POTEJ: variants seen among roughly 807,000 people sequenced by gnomAD.
The protein encoded by POTEJ is POTE ankyrin domain family, member J.
Under a neutral mutation model 69.0 loss-of-function variants are expected in POTEJ, and 11 were observed. That is an observed-to-expected ratio of 0.16 (90% CI 0.10 to 0.26). POTEJ has a LOEUF of 0.26. Among genes scored for constraint, POTEJ ranks in the 10% least tolerant of loss-of-function variants. The pLI, the probability that POTEJ is intolerant of heterozygous loss-of-function variation, is 1.00. For synonymous variants in POTEJ, 117 were observed against 381.1 expected, an observed-to-expected ratio of 0.31 and a Z score of 8.07; for missense variants, 327 against 1,045.5, an observed-to-expected ratio of 0.31 and a Z score of 9.48.
At chr2:130,637,347 C>A (rs1367397128) in intron 9 of POTEJ, among the ~76,000 whole-genome samples, 1 of 151,220 alleles carries the variant, frequency 6.6e-6, no homozygotes, top group Non-Finnish European at 1.5e-5. Flanking sequence ...GATGGAGTCT[C>A]GCTGTATCGC....
rs1277017031 is a variant in POTEJ at position 130,614,135 on chromosome 2, T to A, written c.410+2193T>A. 1.8e-5 allele frequency among the ~76,000 whole-genome samples: 2 copies of A among 112,966 alleles called. 1 individual carries two copies. Among genetic ancestry groups the A allele is most frequent in the Non-Finnish European group, 3.4e-5 (2 of 59,396 alleles). The allele number at this position is 112,966 out of a possible 152,430, so 74.1% of individuals were successfully genotyped here. On this transcript the variant is annotated intron_variant, in intron 1 of 14. Coordinates refer to ENST00000409602, the MANE Select transcript of POTEJ (RefSeq NM_001277083.2). ...TCGCGCCACTACATTCCAGCCTGAGTGATAGAGTGAGACTCCATCTCAAAA... is the reference window on the plus strand; with the variant it reads ...TCGCGCCACTACATTCCAGCCTGAGAGATAGAGTGAGACTCCATCTCAAAA...
rs1308767937 is a variant in POTEJ at position 130,630,920 on chromosome 2, A to G, written c.1087-489A>G. Among the ~76,000 whole-genome samples, 4 of 143,362 alleles carry G rather than the reference A, an allele frequency of 2.8e-5. 1 individual carries two copies. The highest frequency in any genetic ancestry group is 1.1e-4 in the African/African-American group (4 of 36,082). The allele number at this position is 143,362 out of a possible 152,430, so 94.1% of individuals were successfully genotyped here. A position where few individuals can be genotyped will look rare whatever the true frequency, so the allele number is the denominator to read the frequency against. On this transcript the variant is annotated intron_variant, in intron 7 of 14. Coordinates refer to ENST00000409602, the MANE Select transcript of POTEJ (RefSeq NM_001277083.2). ...TTGGTGTTGATTTCGGCTCCTAATA[A>G]TTTAAATGGTGCCTACAATCCAGTT...
At chr2:130,619,833 A>G (rs1461118882) in intron 3 of POTEJ, among the ~76,000 whole-genome samples, 2 of 150,126 alleles carry the variant, frequency 1.3e-5, no homozygotes, top group Non-Finnish European at 3.0e-5. Context: ...AGTTTTTGAG[A>G]TGATTAGAGT....
At chr2:130,625,326 C>T (rs1383317613) in intron 6 of POTEJ, among the ~76,000 whole-genome samples, 2 of 152,020 alleles carry the variant, frequency 1.3e-5, no homozygotes, top group Non-Finnish European at 2.9e-5. Flanking sequence ...AGATAGTAAC[C>T]ATTTTTCTAA....
intron 6 of POTEJ, among the ~76,000 whole-genome samples, chr2:130,626,602 T>C (rs1685715423): frequency 1.3e-5 from 2 of 152,132 alleles, no homozygotes; most frequent in African/African-American, 2.4e-5. Context: ...TACAAAACCA[T>C]AAGGCAGATT....
rs1195422162 is a variant in POTEJ, at chr2:130,641,709, A to T, written c.1370-2274A>T. Among the ~76,000 whole-genome samples, 2 of 151,772 alleles carry T rather than the reference A, an allele frequency of 1.3e-5. 1 individual carries two copies. Among genetic ancestry groups the T allele is most frequent in the Middle Eastern group, 6.3e-3 (2 of 316 alleles). ...AGCAGCAGGTCAGCAGGAATGACTA[A>T]TTTTTTTCTATGCATGTTTAATGGA... On this transcript the variant is annotated intron_variant, in intron 10 of 14. Coordinates refer to ENST00000409602, the MANE Select transcript of POTEJ (RefSeq NM_001277083.2).
intron 6 of POTEJ, among the ~76,000 whole-genome samples, chr2:130,625,734 G>C (rs910554417): frequency 3.5e-5 from 5 of 142,188 alleles, no homozygotes; most frequent in African/African-American, 1.4e-4. Flanking sequence ...GTTCACTTTT[G>C]CTAGTACCAA....
At chr2:130,629,308 G>A (rs1467759791) in intron 6 of POTEJ, among the ~76,000 whole-genome samples, 1 of 149,910 alleles carries the variant, frequency 6.7e-6, no homozygotes, top group African/African-American at 2.5e-5. Flanking sequence ...CAGAACAAAG[G>A]CAGTTAATCA....
intron 10 of POTEJ, among the ~76,000 whole-genome samples, chr2:130,642,925 T>C (rs1328658308): frequency 6.6e-6 from 1 of 150,680 alleles, no homozygotes; most frequent in Non-Finnish European, 1.5e-5. Flanking sequence ...GGGCATGTGT[T>C]CTAGAAAAGC....
rs1156620466 is a variant in POTEJ, at chr2:130,648,311, T to G, written c.1667+2001T>G. On this transcript the variant is annotated intron_variant, in intron 13 of 14. Coordinates refer to ENST00000409602, the MANE Select transcript of POTEJ (RefSeq NM_001277083.2). ...ACATAAAATTTGAAAACTCCACCTG[T>G]TATGTAAAATTTGGAAGCTACTATT... Among the ~76,000 whole-genome samples, 34 of 145,308 alleles carry G rather than the reference T, an allele frequency of 2.3e-4. No individual in the cohort carries two copies. The South Asian group carries it at 2.8e-3, about 12-fold the overall frequency.
chr2:130,613,289 CATATATATACATATGTAT>C (rs1558915509), intron 1 of POTEJ, among the ~76,000 whole-genome samples: 1 of 87,662 alleles, frequency 1.1e-5, no homozygotes, highest in Admixed American at 1.1e-4. Context: ...TGTATATATA[CATATATATACATATGTAT>C]ATATACATAT....
In POTEJ at chr2:130,646,185, A is replaced by C; in HGVS notation, c.1542A>C (p.Gly514=). The C allele has an allele frequency of 8.4e-7, 1 of 1,192,072 alleles. No individual in the cohort carries two copies. 73.8% of individuals were successfully genotyped at this position (1,192,072 alleles called of 1,614,324 possible). ...EMKKHGSTHV[G]FPENLTNGAT... is the part of the protein sequence containing the mutation. ...AGAAGCACGGAAGTACTCACGTCGG[A>C]TTCCCAGAAAACCTGACTAATGGTG... is the stretch of plus-strand genomic sequence containing the variant. Residue 514 remains glycine, a synonymous_variant, in exon 13 of 15, where the codon GGA becomes GGC. Transcript: ENST00000409602.
At chr2:130,618,553 A>G (rs1432589347) in intron 3 of POTEJ, among the ~76,000 whole-genome samples, 1 of 147,532 alleles carries the variant, frequency 6.8e-6, no homozygotes, top group Non-Finnish European at 1.5e-5. Context: ...AGCCTGGTCA[A>G]CATAATGAGA....
At chr2:130,642,821 C>T (rs1181722438) in intron 10 of POTEJ, among the ~76,000 whole-genome samples, 23 of 151,836 alleles carry the variant, frequency 1.5e-4, no homozygotes, top group Non-Finnish European at 2.5e-4. Flanking sequence ...TTTCAGGCCT[C>T]GCTCCCGCTC....
At chr2:130,656,324 C>CTCCT (rs1686984642) in intron 14 of POTEJ, among the ~76,000 whole-genome samples, 1 of 136,474 alleles carries the variant, frequency 7.3e-6, no homozygotes, top group African/African-American at 2.9e-5. Flanking sequence ...AATTTAGGAG[C>CTCCT]AGATTCCTAA....
chr2:130,637,689 T>C (rs1476368151), intron 9 of POTEJ, among the ~76,000 whole-genome samples: 1 of 152,270 alleles, frequency 6.6e-6, no homozygotes, highest in African/African-American at 2.4e-5. Context: ...TTAGTATGTA[T>C]GTTAAAAATT....
At chr2:130,642,758 G>T (rs1275321676) in intron 10 of POTEJ, among the ~76,000 whole-genome samples, 1 of 152,266 alleles carries the variant, frequency 6.6e-6, no homozygotes, top group Non-Finnish European at 1.5e-5. Context: ...TTACTGAGCT[G>T]CTGGCAATGC....
rs1687049604 is a variant in POTEJ at position 130,657,364 on chromosome 2, G to C, written c.2604G>C (p.Glu868Asp). The change falls in exon 15 of 15, where the codon GAG becomes GAC. Residue 868 changes from glutamate to aspartate, a missense_variant. Coordinates refer to ENST00000409602, the MANE Select transcript of POTEJ (RefSeq NM_001277083.2). ...GCTATAGGTTCACCACCATGGCCGA[G>C]CGGGAAATCGTGCGTGACATCAAAG... ...ERGYRFTTMA[E>D]REIVRDIKEK... is the part of the protein sequence containing the mutation. 1.3e-6 allele frequency: 2 copies of C among 1,582,258 alleles called. No individual in the cohort carries two copies. Among genetic ancestry groups the C allele is most frequent in the Non-Finnish European group, 1.7e-6 (2 of 1,157,570 alleles).
intron 13 of POTEJ, among the ~76,000 whole-genome samples, chr2:130,653,156 A>C: frequency 2.1e-5 from 3 of 145,142 alleles, no homozygotes; most frequent in Non-Finnish European, 4.6e-5. Flanking sequence ...TTCAGGTCTT[A>C]GGTTTAGGCC....
Sources: allele counts gnomAD v4.1 joint callset (sites outside exome capture counted in the v4.1 genomes callset), GRCh38; gene constraint gnomAD v4.1.1; transcripts MANE v1.5; gene names NCBI Gene and HGNC (gene_info 2026-07-23, HGNC 2026-07-21).